Variants in IGF2BP3 observed in about 807,000 individuals in gnomAD.
IGF2BP3 encodes the protein insulin-like growth factor 2 mRNA-binding protein 3.
Under a neutral mutation model 73.8 loss-of-function variants are expected in IGF2BP3, and 9 were observed. The ratio of observed to expected loss-of-function variants is 0.12; its 90% CI spans 0.07 to 0.21. IGF2BP3 has a LOEUF of 0.21. IGF2BP3 is among the 10% of genes least tolerant of loss of function. The pLI, the probability that IGF2BP3 is intolerant of heterozygous loss-of-function variation, is 1.00. For synonymous variants in IGF2BP3, 258 were observed against 256.7 expected (o/e 1.01, Z -0.05); for missense variants, 542 against 714.0 (o/e 0.76, Z 2.75).
chr7:23,313,725 G>T, intron 12 of IGF2BP3, 72 bp from the exon 13 acceptor site: 1 of 1,483,450 alleles, frequency 6.7e-7, no homozygotes, highest in East Asian at 2.3e-5. Context: ...CTTGAAAGAT[G>T]GCCCAAATCC....
chr7:23,317,857 C>G, intron 11 of IGF2BP3, 144 bp from the exon 12 acceptor site: 1 of 674,760 alleles, frequency 1.5e-6, no homozygotes, highest in Non-Finnish European at 2.7e-6. Flanking sequence ...GGCAGCAATT[C>G]CTGTGGGTTC....
chr7:23,469,931 C>A lies in IGF2BP3; in HGVS notation c.175+5G>T, dbSNP rs778042368. ...GAGCCCGGGTGGGGCCAGGCCCGGG[C>A]CCACCTGAAAGCGCCTCGATGGCCT... is the stretch of plus-strand genomic sequence containing the variant. On this transcript the variant is annotated splice_donor_5th_base_variant and intron_variant, in intron 1 of 14. Transcript: ENST00000258729. This position sits in a 1 kb window ranked among gnomAD's most constrained non-coding sequence, Gnocchi z 6.1. The A allele has an allele frequency of 6.2e-7, 1 of 1,605,606 alleles. No individual in the cohort carries two copies. The highest frequency in any genetic ancestry group is 8.5e-7 in the Non-Finnish European group (1 of 1,177,122).
At chr7:23,339,441 G>A (rs1784654215) in intron 10 of IGF2BP3, among the ~76,000 whole-genome samples, 1 of 152,112 alleles carries the variant, frequency 6.6e-6, no homozygotes, top group African/African-American at 2.4e-5. Context: ...TCAGAAAAAT[G>A]ACTAAATCCA....
At chr7:23,331,249 T>C (rs1277324452) in intron 10 of IGF2BP3, among the ~76,000 whole-genome samples, 2 of 152,226 alleles carry the variant, frequency 1.3e-5, no homozygotes, top group African/African-American at 4.8e-5. Flanking sequence ...TAAAAGTTTG[T>C]GCTCTTTGAC....
intron 3 of IGF2BP3, among the ~76,000 whole-genome samples, chr7:23,400,884 C>G (rs1786638658): frequency 6.6e-6 from 1 of 152,230 alleles, no homozygotes; most frequent in South Asian, 2.1e-4. Context: ...ACTGCAGTAT[C>G]CACCTCCTGG....
intron 5 of IGF2BP3, among the ~76,000 whole-genome samples, chr7:23,355,028 T>A (rs274061): frequency 6.6e-6 from 1 of 152,186 alleles, no homozygotes; most frequent in Middle Eastern, 3.4e-3. Flanking sequence ...TTGTTATTCA[T>A]CTATGTCATA....
At chr7:23,390,832 T>C (rs1476796378) in intron 3 of IGF2BP3, among the ~76,000 whole-genome samples, 2 of 149,516 alleles carry the variant, frequency 1.3e-5, no homozygotes, top group Non-Finnish European at 3.0e-5. Context: ...AGAGTCTCGC[T>C]CTGTTGCCCA....
At position 23,437,470 on chromosome 7, in the gene IGF2BP3, C is replaced by T. The variant is rs145914720; in HGVS notation, c.237-18646G>A. Among the ~76,000 whole-genome samples the T allele has an allele frequency of 2.8e-3, 410 of 146,038 alleles. 1 individual carries two copies. The highest frequency in any genetic ancestry group is 0.01 in the African/African-American group (393 of 39,108). ...TGCATTCCAGCCTGGGGGACAAGAGCGAGACTTCATTTCAAAAATAAATAA... is the reference window on the plus strand; with the variant it reads ...TGCATTCCAGCCTGGGGGACAAGAGTGAGACTTCATTTCAAAAATAAATAA... On this transcript the variant is annotated intron_variant, in intron 2 of 14. Coordinates refer to ENST00000258729, the MANE Select transcript of IGF2BP3 (RefSeq NM_006547.3).
intron 3 of IGF2BP3, among the ~76,000 whole-genome samples, chr7:23,371,689 C>A (rs1785552785): frequency 6.6e-6 from 1 of 152,186 alleles, no homozygotes; most frequent in Non-Finnish European, 1.5e-5. Context: ...TCCCCTTTAT[C>A]ATCGAAAAGC....
chr7:23,438,408 C>T (rs1787853869), intron 2 of IGF2BP3, among the ~76,000 whole-genome samples: 1 of 152,094 alleles, frequency 6.6e-6, no homozygotes, highest in African/African-American at 2.4e-5. Flanking sequence ...AACCACCAAG[C>T]CACTACACTG....
intron 3 of IGF2BP3, among the ~76,000 whole-genome samples, chr7:23,397,148 A>G (rs1786502787): frequency 6.6e-6 from 1 of 152,244 alleles, no homozygotes; most frequent in Non-Finnish European, 1.5e-5. Context: ...AAGACCTCAG[A>G]AACATTTAGT....
At chr7:23,324,330 A>T (rs1784234833) in intron 10 of IGF2BP3, among the ~76,000 whole-genome samples, 1 of 151,916 alleles carries the variant, frequency 6.6e-6, no homozygotes, top group African/African-American at 2.4e-5. Flanking sequence ...GAAGAAATGG[A>T]TAAATTCCTC....
intron 3 of IGF2BP3, among the ~76,000 whole-genome samples, chr7:23,375,544 GA>G (rs1053358863): frequency 6.6e-6 from 1 of 152,186 alleles, no homozygotes; most frequent in African/African-American, 2.4e-5. Flanking sequence ...TCCTTTAGCA[GA>G]AAGGCAGGAA....
intron 6 of IGF2BP3, among the ~76,000 whole-genome samples, chr7:23,350,989 G>C (rs142669389): frequency 6.6e-6 from 1 of 152,302 alleles, no homozygotes; most frequent in East Asian, 1.9e-4. Context: ...CAGGTGGGGG[G>C]TAAGGGGTGG....
intron 3 of IGF2BP3, among the ~76,000 whole-genome samples, chr7:23,383,615 G>A (rs1209642584): frequency 6.6e-6 from 1 of 152,140 alleles, no homozygotes; most frequent in Non-Finnish European, 1.5e-5. Flanking sequence ...ATGTGACTCT[G>A]CAAGTGAACT....
intron 2 of IGF2BP3, among the ~76,000 whole-genome samples, chr7:23,454,518 CT>C (rs1272068762): frequency 1.3e-5 from 2 of 152,186 alleles, no homozygotes; most frequent in African/African-American, 2.4e-5. Flanking sequence ...GACAATATCA[CT>C]TTAGTACCAG....
At position 23,401,541 on chromosome 7, in the gene IGF2BP3, GA is replaced by G. The variant is rs1786664237; in HGVS notation, c.285+17234del. ...GTACTTCAGGAGGCCAAGGCAGGTGGATCACCTGAGGTCAGGAGTTCGAGAC... is the reference window on the plus strand; with the variant it reads ...GTACTTCAGGAGGCCAAGGCAGGTGGTCACCTGAGGTCAGGAGTTCGAGAC... On this transcript the variant is annotated intron_variant, in intron 3 of 14. Transcript: ENST00000258729. Among the ~76,000 whole-genome samples, 4 of 151,742 alleles carry G rather than the reference GA, an allele frequency of 2.6e-5. No individual in the cohort carries two copies. The South Asian group carries it at 8.3e-4, about 32-fold the overall frequency.
intron 10 of IGF2BP3, among the ~76,000 whole-genome samples, chr7:23,330,884 G>A (rs542102736): frequency 3.3e-5 from 5 of 152,242 alleles, no homozygotes; most frequent in East Asian, 3.9e-4. Context: ...TGCAACCTCC[G>A]CCTTCCAAGT....
rs145816056 is a variant in IGF2BP3, at chr7:23,389,323, C to T, written c.286-27582G>A. Reference sequence around the variant, plus strand: ...TTACAGGCACACGCCACTACACCCGCCTAATTTTTGTATTTTTTAGTAGAG... The same window carrying T: ...TTACAGGCACACGCCACTACACCCGTCTAATTTTTGTATTTTTTAGTAGAG... On this transcript the variant is annotated intron_variant, in intron 3 of 14. Transcript: ENST00000258729. 2.9e-3 allele frequency among the ~76,000 whole-genome samples: 446 copies of T among 151,976 alleles called. 8 individuals carry two copies. Among genetic ancestry groups the T allele is most frequent in the Admixed American group, 0.016 (243 of 15,256 alleles).
Sources: gnomAD v4.1 joint callset for allele counts (sites outside exome capture counted in the v4.1 genomes callset) on GRCh38, gnomAD v4.1.1 for gene constraint, Gnocchi (gnomAD v3.1) non-coding constraint, MANE v1.5 for transcripts, NCBI Gene and HGNC (gene_info 2026-07-23, HGNC 2026-07-21) for gene names.